Variants in SLIT3 observed in about 807,000 individuals in gnomAD.
SLIT3 encodes slit guidance ligand 3, also known as slit homolog 3 protein.
In SLIT3, 68 loss-of-function variants were observed where a neutral mutation model predicts 184.0. The observed-to-expected ratio is 0.37, with a 90% confidence interval of 0.30 to 0.45. The LOEUF (loss-of-function observed/expected upper bound fraction) is 0.45. Ranked by LOEUF, SLIT3 falls within the 20% of genes least tolerant of loss-of-function variation. The pLI is 1.00. For synonymous variants in SLIT3, 831 were observed against 828.6 expected (o/e 1.00, Z -0.05); for missense variants, 1,707 against 2,026.0 (o/e 0.84, Z 3.02).
intron 32 of SLIT3, among the ~76,000 whole-genome samples, chr5:168,677,401 CAA>C (rs1428431877): frequency 6.6e-6 from 1 of 152,146 alleles, no homozygotes; most frequent in Non-Finnish European, 1.5e-5. Context: ...CTTGGCCTCC[CAA>C]AGTGCTGGGG....
intron 1 of SLIT3, among the ~76,000 whole-genome samples, chr5:169,263,848 G>C (rs1766297542): frequency 6.6e-6 from 1 of 151,342 alleles, no homozygotes; most frequent in African/African-American, 2.4e-5. Flanking sequence ...CTGTGTGTCT[G>C]CCTTGTCTCC....
intron 3 of SLIT3, among the ~76,000 whole-genome samples, 160 bp from the exon 4 acceptor site, chr5:169,193,710 T>C (rs1391258437): frequency 1.3e-5 from 2 of 152,178 alleles, no homozygotes; most frequent in Non-Finnish European, 2.9e-5. Flanking sequence ...GTATATTCCC[T>C]GTTGGCGGGG....
At chr5:168,696,601 C>A (rs530903899) in intron 27 of SLIT3, among the ~76,000 whole-genome samples, 170 bp from the exon 28 acceptor site, 1 of 152,238 alleles carries the variant, frequency 6.6e-6, no homozygotes, top group South Asian at 2.1e-4. Context: ...AGCAGGAAGA[C>A]CCTTAGGAAC....
At chr5:169,231,736 C>G (rs981576232) in intron 3 of SLIT3, among the ~76,000 whole-genome samples, 3 of 152,156 alleles carry the variant, frequency 2.0e-5, no homozygotes, top group African/African-American at 7.2e-5. Flanking sequence ...ACATTCAGCT[C>G]TGATTGGTAC....
chr5:168,734,265 A>G (rs929439655), intron 20 of SLIT3, among the ~76,000 whole-genome samples: 23 of 152,232 alleles, frequency 1.5e-4, no homozygotes, highest in African/African-American at 5.3e-4. Context: ...TGACCAAACA[A>G]CCGAGCACCA....
chr5:169,286,024 A>C (rs1205963125), intron 1 of SLIT3, among the ~76,000 whole-genome samples: 1 of 152,190 alleles, frequency 6.6e-6, no homozygotes, highest in African/African-American at 2.4e-5. Flanking sequence ...AGCCATAATA[A>C]TGGCTTTTGG....
chr5:169,046,312 G>A (rs1166178968), intron 4 of SLIT3, among the ~76,000 whole-genome samples: 3 of 152,160 alleles, frequency 2.0e-5, no homozygotes, highest in South Asian at 2.1e-4. Flanking sequence ...AGCAAAGATC[G>A]CAGCACTAGT....
chr5:168,801,647 T>A (rs1440269615), intron 9 of SLIT3, among the ~76,000 whole-genome samples: 1 of 152,162 alleles, frequency 6.6e-6, no homozygotes, highest in Non-Finnish European at 1.5e-5. Flanking sequence ...CATGAGGGCG[T>A]CTGAAGACCA....
intron 4 of SLIT3, among the ~76,000 whole-genome samples, chr5:169,150,392 C>A (rs1162458137): frequency 6.6e-6 from 1 of 152,206 alleles, no homozygotes; most frequent in African/African-American, 2.4e-5. Context: ...TGAGGCTGTG[C>A]AGGTTCTCTG....
intron 27 of SLIT3, among the ~76,000 whole-genome samples, chr5:168,697,366 T>G (rs933033441): frequency 1.3e-5 from 2 of 152,202 alleles, no homozygotes; most frequent in East Asian, 3.9e-4. Flanking sequence ...ATCTTGGTCA[T>G]ATCCCCAGGA....
chr5:168,799,536 G>A (rs557733289), intron 9 of SLIT3, among the ~76,000 whole-genome samples: 17 of 152,320 alleles, frequency 1.1e-4, no homozygotes, highest in Middle Eastern at 3.4e-3. Flanking sequence ...CTTCCTTAAT[G>A]ATCTGTCATT....
intron 24 of SLIT3, among the ~76,000 whole-genome samples, chr5:168,711,326 A>T (rs1762553601): frequency 6.6e-6 from 1 of 151,910 alleles, no homozygotes; most frequent in Admixed American, 6.6e-5. Context: ...CTTCAACTCA[A>T]CCCCATCCTA....
intron 4 of SLIT3, among the ~76,000 whole-genome samples, chr5:168,904,489 CAATAAT>C (rs56039430): frequency 0.039 from 5,763 of 147,618 alleles, 365 homozygotes; most frequent in African/African-American, 0.13. Flanking sequence ...TTAGAAATAA[CAATAAT>C]AATAATAATA....
rs778880262 is a variant in SLIT3, at chr5:169,148,047, G to C, written c.413+45432C>G. 8.4e-4 allele frequency among the ~76,000 whole-genome samples: 128 copies of C among 152,132 alleles called. 2 individuals are homozygous for C. Among genetic ancestry groups the C allele is most frequent in the Admixed American group, 2.6e-4 (4 of 15,270 alleles). On this transcript the variant is annotated intron_variant, in intron 4 of 35. Transcript: ENST00000519560. ...GGTCAGGGAAAGAAGATGAGGTGTG[G>C]GTTAGCCAGCTTTGGAAGTCAGCCA...
In SLIT3 at chr5:168,817,473, G is replaced by C; in HGVS notation, c.630-10C>G. The C allele has an allele frequency of 6.2e-7, 1 of 1,608,978 alleles. No individual in the cohort carries two copies. Among genetic ancestry groups the C allele is most frequent in the Non-Finnish European group, 8.5e-7 (1 of 1,178,956 alleles). On this transcript the variant is annotated splice_polypyrimidine_tract_variant and intron_variant, in intron 7 of 35. Coordinates refer to ENST00000519560, the MANE Select transcript of SLIT3 (RefSeq NM_003062.4). Reference sequence around the variant, plus strand: ...GTTGGAGTGGAGGCGCCTGGGAGAGGGCGGGACAGAGAGAAGGCATGGTCA... The same window carrying C: ...GTTGGAGTGGAGGCGCCTGGGAGAGCGCGGGACAGAGAGAAGGCATGGTCA...
chr5:168,835,877 G>C (rs1028835655), intron 6 of SLIT3, among the ~76,000 whole-genome samples: 3 of 151,878 alleles, frequency 2.0e-5, no homozygotes, highest in Non-Finnish European at 4.4e-5. Context: ...ATGTTGTCTA[G>C]ACTGGTCTCA....
Position 169,244,707 on chromosome 5 carries a change from T to A in SLIT3, c.339A>T (p.Arg113=). 1 of 1,613,204 alleles carries A rather than the reference T, an allele frequency of 6.2e-7. No homozygotes were observed. Among genetic ancestry groups the A allele is most frequent in the Non-Finnish European group, 8.5e-7 (1 of 1,179,240 alleles). The change falls in exon 3 of 36, where the codon CGA becomes CGT. Residue 113 remains arginine, a splice_region_variant and synonymous_variant. Coordinates refer to ENST00000519560, the MANE Select transcript of SLIT3 (RefSeq NM_003062.4). ...AAAGGAGGCTGTACTGTACTTACAG[T>A]CGCTCTAGCTGCTTCAGGTCCTGGA... ...GAFQDLKQLE[R]LRLNKNKLQV... is the part of the protein sequence containing the mutation.
chr5:168,860,561 C>A (rs1489930212), intron 5 of SLIT3, among the ~76,000 whole-genome samples: 1 of 152,016 alleles, frequency 6.6e-6, no homozygotes, highest in Non-Finnish European at 1.5e-5. Flanking sequence ...AGAGAGACTG[C>A]CCCTCCCAGA....
intron 25 of SLIT3, 78 bp from the exon 26 acceptor site, chr5:168,708,178 G>T: frequency 6.3e-7 from 1 of 1,599,952 alleles, no homozygotes; most frequent in South Asian, 1.1e-5. Flanking sequence ...TCTGCTCTGG[G>T]CCCTCCCTCA....
Sources: gnomAD v4.1 joint callset for allele counts (sites outside exome capture counted in the v4.1 genomes callset) on GRCh38, gnomAD v4.1.1 for gene constraint, MANE v1.5 for transcripts, NCBI Gene and HGNC (gene_info 2026-07-23, HGNC 2026-07-21) for gene names.